MPHOSPH9: variants seen among roughly 807,000 people sequenced by gnomAD.
The protein encoded by MPHOSPH9 is M-phase phosphoprotein 9.
A neutral mutation model predicts 145.5 loss-of-function variants in MPHOSPH9; 88 were observed. That is an observed-to-expected ratio of 0.60 (90% CI 0.51 to 0.72). MPHOSPH9 has a LOEUF of 0.72. Among genes scored for constraint, MPHOSPH9 ranks in the 30% least tolerant of loss-of-function variants. MPHOSPH9 has a pLI of 0.00. For synonymous variants in MPHOSPH9, 435 were observed against 486.2 expected, an observed-to-expected ratio of 0.89 and a Z score of 1.39; for missense variants, 1,238 against 1,386.6, an observed-to-expected ratio of 0.89 and a Z score of 1.70.
At chr12:123,224,588 T>C (rs2047361723) in intron 3 of MPHOSPH9, among the ~76,000 whole-genome samples, 1 of 152,072 alleles carries the variant, frequency 6.6e-6, no homozygotes, top group Admixed American at 6.6e-5. Context: ...GTGATCTCAA[T>C]GGGGAAGGAA....
intron 8 of MPHOSPH9, among the ~76,000 whole-genome samples, chr12:123,205,382 C>A (rs2046383198): frequency 6.6e-6 from 1 of 152,112 alleles, no homozygotes; most frequent in African/African-American, 2.4e-5. Flanking sequence ...CCCATCTCTA[C>A]TAAAAACACA....
chr12:123,201,575 C>A (rs1378445954), intron 11 of MPHOSPH9, among the ~76,000 whole-genome samples: 1 of 151,746 alleles, frequency 6.6e-6, no homozygotes, highest in African/African-American at 2.4e-5. Context: ...AGACAGGGTT[C>A]CACTATGTTG....
In MPHOSPH9 at chr12:123,221,766, T is replaced by G. The variant is rs142774564; in HGVS notation, c.478A>C (p.Ser160Arg). Residue 160 changes from serine (S) to arginine (R), a missense_variant, in exon 5 of 24, where the codon AGT becomes CGT. Ser to Arg is a moderately radical substitution (Grantham distance 110, BLOSUM62 -1). Around this residue, in one of 3 missense-constraint regions of MPHOSPH9, gnomAD observed 837 missense variants for 897.5 expected, o/e 0.93. Transcript: ENST00000606320. ...TGGATAACAGATTCATTTCTCTCAC[T>G]GCTTAGAGAAAAAAAACCCATTTGA... ...ESQMGFFSLS[S>R]ERNESVIHYP... The G allele has an allele frequency of 2.0e-3, 3,221 of 1,614,102 alleles. 6 individuals carry two copies. Among genetic ancestry groups the G allele is most frequent in the Non-Finnish European group, 2.4e-3 (2,875 of 1,180,014 alleles).
At chr12:123,220,488 C>G (rs922740262) in intron 5 of MPHOSPH9, among the ~76,000 whole-genome samples, 3 of 151,866 alleles carry the variant, frequency 2.0e-5, no homozygotes, top group Admixed American at 6.6e-5. Context: ...TCACTTGAAC[C>G]AGGGAGGCAA....
intron 23 of MPHOSPH9, among the ~76,000 whole-genome samples, chr12:123,158,192 ATTGGCCAAGCTGGTC>A (rs879291105): frequency 6.6e-6 from 1 of 152,042 alleles, no homozygotes; most frequent in Non-Finnish European, 1.5e-5. Context: ...GTTTCGCCAT[ATTGGCCAAGCTGGTC>A]TTGAACTCCT....
intron 1 of MPHOSPH9, among the ~76,000 whole-genome samples, chr12:123,232,137 C>G (rs978359815): frequency 6.6e-6 from 1 of 151,662 alleles, no homozygotes; most frequent in South Asian, 2.1e-4. Context: ...CAACTGGCAA[C>G]AGAAATACCT....
At chr12:123,176,024 T>C (rs2044846474) in intron 16 of MPHOSPH9, among the ~76,000 whole-genome samples, 1 of 152,126 alleles carries the variant, frequency 6.6e-6, no homozygotes, top group African/African-American at 2.4e-5. Flanking sequence ...TGAACCACTG[T>C]GCCCGGCCCT....
At chr12:123,215,862 C>T (rs184970567) in intron 6 of MPHOSPH9, among the ~76,000 whole-genome samples, 77 of 152,290 alleles carry the variant, frequency 5.1e-4, no homozygotes, top group African/African-American at 1.7e-3. Context: ...GGGGAATTAA[C>T]ACATGAGCCT....
At chr12:123,198,768 A>G (rs990389700) in intron 11 of MPHOSPH9, among the ~76,000 whole-genome samples, 25 of 148,474 alleles carry the variant, frequency 1.7e-4, no homozygotes, top group African/African-American at 6.0e-4. Context: ...TGAGATCACA[A>G]CACTGCACTC....
At chr12:123,199,946 C>T (rs934620011) in intron 11 of MPHOSPH9, among the ~76,000 whole-genome samples, 1 of 152,148 alleles carries the variant, frequency 6.6e-6, no homozygotes, top group Non-Finnish European at 1.5e-5. Flanking sequence ...ATGATCCTAA[C>T]CACTGTGCAT....
chr12:123,180,031 T>C (rs752484311), intron 14 of MPHOSPH9, 41 bp from the exon 15 acceptor site: 5 of 1,063,644 alleles, frequency 4.7e-6, no homozygotes, highest in Non-Finnish European at 6.7e-6. Flanking sequence ...TGAAGACAAA[T>C]ATTCACATGA....
intron 1 of MPHOSPH9, among the ~76,000 whole-genome samples, chr12:123,238,616 A>G (rs1029046050): frequency 3.9e-5 from 6 of 152,106 alleles, no homozygotes; most frequent in African/African-American, 1.2e-4. Flanking sequence ...ACTTTTTTAG[A>G]AAAGAAAAAG....
intron 11 of MPHOSPH9, among the ~76,000 whole-genome samples, chr12:123,199,717 T>C (rs1304172102): frequency 4.7e-5 from 7 of 147,864 alleles, no homozygotes; most frequent in Admixed American, 1.4e-4. Flanking sequence ...GGCATGAACC[T>C]GGGAGGCGGA....
At chr12:123,206,863 G>A (rs956250024) in intron 8 of MPHOSPH9, among the ~76,000 whole-genome samples, 1 of 149,790 alleles carries the variant, frequency 6.7e-6, no homozygotes, top group African/African-American at 2.5e-5. Context: ...GCAGTGAGCC[G>A]AGATCACACC....
rs1456613109 is a variant in MPHOSPH9 at position 123,161,328 on chromosome 12, A to G, written c.3189T>C (p.Pro1063=). 6.2e-7 allele frequency: 1 copy of G among 1,614,116 alleles called. No individual in the cohort carries two copies. Among genetic ancestry groups the G allele is most frequent in the Middle Eastern group, 1.6e-4 (1 of 6,062 alleles). ...TCTTCACTCCATTTGGCACCGGTTC[A>G]GGGCAAGAGCTATGATTAACATGGT... ...TDNHVNHSSC[P]EPVPNGVKKV... Residue 1063 remains proline (P), a synonymous_variant, in exon 22 of 24, where the codon CCT becomes CCC. Transcript: ENST00000606320.
chr12:123,210,009 T>A (rs759862999), intron 8 of MPHOSPH9, 47 bp downstream of exon 8: 1 of 1,381,204 alleles, frequency 7.2e-7, no homozygotes, highest in Non-Finnish European at 1.0e-6. Flanking sequence ...GCGCTGGGAT[T>A]ACAGGCGTAA....
intron 13 of MPHOSPH9, among the ~76,000 whole-genome samples, chr12:123,184,547 G>C (rs2045350129): frequency 6.6e-6 from 1 of 151,596 alleles, no homozygotes. Context: ...GCCCAGGCTG[G>C]AGTGCAGTAG....
intron 14 of MPHOSPH9, 87 bp downstream of exon 14, chr12:123,181,076 A>C: frequency 8.1e-7 from 1 of 1,240,456 alleles, no homozygotes; most frequent in Non-Finnish European, 1.2e-6. Flanking sequence ...GAAGGGGTGC[A>C]AGGAGGAGAA....
At chr12:123,243,793 C>CT in intron 1 of MPHOSPH9, 1 of 152,310 alleles carries the variant, frequency 6.6e-6, no homozygotes, top group East Asian at 1.9e-4. Context: ...CTCAGTATCA[C>CT]TGTACTGGTT....
Sources: gnomAD v4.1 joint callset for allele counts (sites outside exome capture counted in the v4.1 genomes callset) on GRCh38, gnomAD v4.1.1 for gene constraint, gnomAD v4.1.1 regional missense constraint, MANE v1.5 for transcripts, NCBI Gene and HGNC (gene_info 2026-07-23, HGNC 2026-07-21) for gene names.